The following IFT57 variants were observed in gnomAD, a reference collection of about 807,000 sequenced individuals.
IFT57 encodes intraflagellar transport protein 57 homolog.
In IFT57, 59 loss-of-function variants were observed where a neutral mutation model predicts 56.8. The ratio of observed to expected loss-of-function variants is 1.04; its 90% CI spans 0.84 to 1.29. The LOEUF is 1.29. Ranked by LOEUF, IFT57 falls within the 50% of genes most tolerant of loss-of-function variation. IFT57 has a pLI of 0.00. For missense variants in IFT57, 470 were observed against 522.1 expected, an observed-to-expected ratio of 0.90 and a Z score of 0.97; for synonymous variants, 209 against 186.1, an observed-to-expected ratio of 1.12 and a Z score of -1.00.
intron 8 of IFT57, 127 bp from the exon 9 acceptor site, chr3:108,165,620 C>A: frequency 1.4e-6 from 1 of 726,526 alleles, no homozygotes; most frequent in Non-Finnish European, 2.5e-6. Flanking sequence ...TTTGTGAATA[C>A]ATTTGTGAAA....
intron 6 of IFT57, among the ~76,000 whole-genome samples, chr3:108,182,189 T>C (rs981026309): frequency 2.6e-5 from 4 of 152,026 alleles, no homozygotes; most frequent in African/African-American, 9.7e-5. Flanking sequence ...ATTTTATTAA[T>C]ACCCACTTAT....
At chr3:108,213,792 A>C (rs966282258) in intron 4 of IFT57, 139 bp downstream of exon 4, 8 of 598,850 alleles carry the variant, frequency 1.3e-5, no homozygotes, top group Non-Finnish European at 2.4e-5. Flanking sequence ...GATGATACTC[A>C]GCACTGTATT....
At chr3:108,188,786 C>A (rs1185374842) in intron 6 of IFT57, among the ~76,000 whole-genome samples, 1 of 152,144 alleles carries the variant, frequency 6.6e-6, no homozygotes, top group Non-Finnish European at 1.5e-5. Context: ...TTGACCTGCA[C>A]ATAGTTTTGT....
At chr3:108,185,080 A>G (rs2080174094) in intron 6 of IFT57, among the ~76,000 whole-genome samples, 2 of 152,152 alleles carry the variant, frequency 1.3e-5, no homozygotes, top group Non-Finnish European at 2.9e-5. Context: ...ATAAAAAAAG[A>G]AAATTCAGGA....
intron 1 of IFT57, among the ~76,000 whole-genome samples, chr3:108,221,417 A>G (rs1239906040): frequency 1.3e-5 from 2 of 152,206 alleles, no homozygotes; most frequent in African/African-American, 4.8e-5. Context: ...CTTTCAGGAT[A>G]TGTTGGACTT....
Position 108,205,871 on chromosome 3 carries a change from TATTATATATTA to T in IFT57, c.654+746_654+756del, listed in dbSNP as rs2080307523. 5.2e-5 allele frequency among the ~76,000 whole-genome samples: 7 copies of T among 135,618 alleles called. No individual in the cohort carries two copies. The South Asian group carries it at 1.5e-3, about 29-fold the overall frequency. The allele number at this position is 135,618 out of a possible 152,430, so 89.0% of individuals were successfully genotyped here. ...TTAACATATATTTATATAACATATT[TATTATATATTA>T]ATATATTTATAATACATAATTATAT... On this transcript the variant is annotated intron_variant, in intron 5 of 10. Coordinates refer to ENST00000264538, the MANE Select transcript of IFT57 (RefSeq NM_018010.4).
chr3:108,167,015 A>G, intron 7 of IFT57, 30 bp from the exon 8 acceptor site: 1 of 1,587,668 alleles, frequency 6.3e-7, no homozygotes, highest in Non-Finnish European at 8.6e-7. Context: ...TGCAGATAGA[A>G]GAACTCACAA....
intron 3 of IFT57, among the ~76,000 whole-genome samples, chr3:108,214,949 G>A (rs993355187): frequency 6.6e-6 from 1 of 151,886 alleles, no homozygotes; most frequent in Non-Finnish European, 1.5e-5. Context: ...ATATATTAGA[G>A]GCTTTCTGTC....
intron 2 of IFT57, 30 bp downstream of exon 2, chr3:108,219,380 C>G: frequency 6.3e-7 from 1 of 1,580,934 alleles, no homozygotes; most frequent in Non-Finnish European, 8.7e-7. Context: ...AACTTGAGAA[C>G]AAGGAAAAAG....
chr3:108,195,164 T>C (rs1041311524), intron 5 of IFT57, among the ~76,000 whole-genome samples: 3 of 151,494 alleles, frequency 2.0e-5, no homozygotes, highest in South Asian at 2.1e-4. Context: ...AGGCAAAAGA[T>C]CAAAAAGAGA....
chr3:108,205,099 T>C (rs1020586312), intron 5 of IFT57, among the ~76,000 whole-genome samples: 1 of 152,090 alleles, frequency 6.6e-6, no homozygotes, highest in East Asian at 1.9e-4. Flanking sequence ...TGTTACACTA[T>C]GGGGAATATT....
At chr3:108,183,820 C>T (rs2080164587) in intron 6 of IFT57, among the ~76,000 whole-genome samples, 1 of 152,120 alleles carries the variant, frequency 6.6e-6, no homozygotes, top group Non-Finnish European at 1.5e-5. Context: ...ATTTCTTTAG[C>T]AATTTAAAAT....
At chr3:108,213,186 C>T (rs1162191993) in intron 4 of IFT57, among the ~76,000 whole-genome samples, 2 of 152,030 alleles carry the variant, frequency 1.3e-5, no homozygotes, top group Admixed American at 6.6e-5. Flanking sequence ...CAACAGTAGG[C>T]TATTAGTAAA....
chr3:108,190,634 A>G (rs2108317312), intron 6 of IFT57, among the ~76,000 whole-genome samples: 1 of 152,336 alleles, frequency 6.6e-6, no homozygotes, highest in East Asian at 1.9e-4. Flanking sequence ...AAAATTACCC[A>G]GTCTTGGGCA....
chr3:108,203,951 A>G (rs2080294117), intron 5 of IFT57, among the ~76,000 whole-genome samples: 1 of 152,216 alleles, frequency 6.6e-6, no homozygotes, highest in African/African-American at 2.4e-5. Context: ...TTTCCTTGAC[A>G]GTATGTATTG....
chr3:108,200,201 G>A (rs1576044028), intron 5 of IFT57, among the ~76,000 whole-genome samples: 1 of 152,238 alleles, frequency 6.6e-6, no homozygotes, highest in Non-Finnish European at 1.5e-5. Flanking sequence ...AGAGTAGCAG[G>A]GTGAAAAATA....
At chr3:108,217,682 ATGTG>A (rs1415924232) in intron 3 of IFT57, among the ~76,000 whole-genome samples, 2 of 150,690 alleles carry the variant, frequency 1.3e-5, no homozygotes, top group African/African-American at 4.9e-5. Context: ...ATATATATAT[ATGTG>A]TGTGTGTGTA....
chr3:108,183,906 T>C (rs1576036690), intron 6 of IFT57, among the ~76,000 whole-genome samples: 1 of 152,180 alleles, frequency 6.6e-6, no homozygotes, highest in Non-Finnish European at 1.5e-5. Context: ...ATATGGAACA[T>C]GGAGAATTCT....
intron 6 of IFT57, among the ~76,000 whole-genome samples, chr3:108,186,095 A>G (rs553637714): frequency 7.1e-4 from 108 of 152,244 alleles, no homozygotes; most frequent in Non-Finnish European, 1.4e-3. Context: ...ATAGTACTCT[A>G]TGGAAAGAAT....
Sources: allele counts gnomAD v4.1 joint callset (sites outside exome capture counted in the v4.1 genomes callset), GRCh38; gene constraint gnomAD v4.1.1; transcripts MANE v1.5; gene names NCBI Gene and HGNC (gene_info 2026-07-23, HGNC 2026-07-21).